UNC50: variants seen among roughly 807,000 people sequenced by gnomAD.
UNC50 encodes unc-50 inner nuclear membrane RNA binding protein.
UNC50 carries 24 observed loss-of-function variants against 31.5 expected under a neutral mutation model. The ratio of observed to expected loss-of-function variants is 0.76; its 90% CI spans 0.55 to 1.07. UNC50 has a LOEUF of 1.07. Ranked by LOEUF, UNC50 falls within the 50% of genes least tolerant of loss-of-function variation. The pLI is 0.00. For synonymous variants in UNC50, 118 were observed against 114.7 expected, an observed-to-expected ratio of 1.03 and a Z score of -0.18; for missense variants, 245 against 304.2, an observed-to-expected ratio of 0.81 and a Z score of 1.45.
rs1559149359 is a variant in UNC50 at position 98,616,541 on chromosome 2, ATTTT to A, written c.643+12_643+15del. 6.2e-7 allele frequency: 1 copy of A among 1,606,108 alleles called. No homozygotes were observed. Reference sequence around the variant, plus strand: ...CTTTCCTGGGATACAGTGGTAAGTAATTTTTTTAAATGTTTTTGGTTGAGAACAT... The same window carrying A: ...CTTTCCTGGGATACAGTGGTAAGTAATTTAAATGTTTTTGGTTGAGAACAT... On this transcript the variant is annotated intron_variant, in intron 5 of 5. Coordinates refer to ENST00000357765, the MANE Select transcript of UNC50 (RefSeq NM_014044.7).
At chr2:98,618,119 A>ATTAT (rs1700965351) in intron 5 of UNC50, 49 bp from the exon 6 acceptor site, 2 of 1,265,840 alleles carry the variant, frequency 1.6e-6, no homozygotes, top group Non-Finnish European at 2.1e-6. Flanking sequence ...TTTATTAGTC[A>ATTAT]TTTATTTTTT....
At chr2:98,616,589 G>C (rs2104187727) in intron 5 of UNC50, 56 bp downstream of exon 5, 1 of 1,388,828 alleles carries the variant, frequency 7.2e-7, no homozygotes, top group Non-Finnish European at 1.0e-6. Context: ...GGGGAAAGTT[G>C]TAACAGTAGT....
intron 5 of UNC50, 171 bp from the exon 6 acceptor site, chr2:98,617,997 G>A (rs1700961282): frequency 1.5e-6 from 1 of 674,876 alleles, no homozygotes; most frequent in Non-Finnish European, 2.3e-6. Flanking sequence ...CAGCACAGAG[G>A]GGTTGGGAAG....
intron 5 of UNC50, 30 bp from the exon 6 acceptor site, chr2:98,618,138 T>TTTTTA: frequency 6.8e-7 from 1 of 1,465,994 alleles, no homozygotes; most frequent in Non-Finnish European, 9.0e-7. Context: ...TTTTTTTTTT[T>TTTTTA]AAATCAGTTT....
chr2:98,616,584 A>C (rs748849429), intron 5 of UNC50, 51 bp downstream of exon 5: 2 of 1,453,914 alleles, frequency 1.4e-6, no homozygotes, highest in Non-Finnish European at 1.9e-6. Context: ...AAGAGGGGGA[A>C]AGTTGTAACA....
At chr2:98,612,767 T>C (rs1188679344) in intron 3 of UNC50, among the ~76,000 whole-genome samples, 2 of 152,234 alleles carry the variant, frequency 1.3e-5, no homozygotes, top group South Asian at 4.1e-4. Context: ...GATACTGCAG[T>C]AAAGCAAATA....
Position 98,618,253 on chromosome 2 carries a change from A to C in UNC50, c.729A>C (p.Gly243=). The change falls in exon 6 of 6, where the codon GGA becomes GGC. Residue 243 remains glycine (G), a synonymous_variant. Transcript: ENST00000357765. Reference sequence around the variant, plus strand: ...TCTACGGGCTTTCCCTGGCACTGGGATGGAACTTCACCCATACTCTCTGTT... The same window carrying C: ...TCTACGGGCTTTCCCTGGCACTGGGCTGGAACTTCACCCATACTCTCTGTT... ...ILLYGLSLAL[G]WNFTHTLCSF... 6.2e-7 allele frequency: 1 copy of C among 1,612,280 alleles called. No homozygotes were observed. The highest frequency in any genetic ancestry group is 1.1e-5 in the South Asian group (1 of 90,824).
rs773413563 is a variant in UNC50 at position 98,616,432 on chromosome 2, A to G, written c.542A>G (p.His181Arg). 88 of 1,614,012 alleles carry G rather than the reference A, an allele frequency of 5.5e-5. No homozygotes were observed. The highest frequency in any genetic ancestry group is 7.3e-5 in the Non-Finnish European group (86 of 1,179,900). ...TCATGGTCTGCGTCTCTTCTGGCAG[A>G]TGTTATCCTGACAGACACATTTATT... Reference protein sequence around the residue: ...LHFIQLFFINHVILTDTFIGY... With the variant: ...LHFIQLFFINRVILTDTFIGY... Residue 181 changes from histidine to arginine, a missense_variant and splice_region_variant, in exon 5 of 6, where the codon CAT becomes CGT. By Grantham distance (29) the His-to-Arg change is conservative. Transcript: ENST00000357765.
intron 2 of UNC50, 106 bp downstream of exon 2, chr2:98,610,145 C>T: frequency 8.2e-7 from 1 of 1,217,252 alleles, no homozygotes. Context: ...GAAACTATTT[C>T]TCCTTTTTAC....
rs536489805 is a variant in UNC50 at position 98,617,023 on chromosome 2, G to A, written c.643+490G>A. ...CCCATTCTTAGTTTTCATGATTACC[G>A]TATGGTTCTGTAGACAATCACAGAA... On this transcript the variant is annotated intron_variant, in intron 5 of 5. Transcript: ENST00000357765. Among the ~76,000 whole-genome samples the A allele has an allele frequency of 2.6e-4, 39 of 152,268 alleles. No individual in the cohort carries two copies. The South Asian group carries it at 6.6e-3, about 26-fold the overall frequency.
rs866993723 is a variant in UNC50 at position 98,610,715 on chromosome 2, G to C, written c.281-60G>C. The C allele has an allele frequency of 3.1e-5, 49 of 1,594,044 alleles. 1 individual carries two copies. The Middle Eastern group carries it at 5.2e-3, about 168-fold the overall frequency. On this transcript the variant is annotated intron_variant, in intron 2 of 5. Transcript: ENST00000357765. ...TGGGCATCTGGAGGGCAAGGGATGT[G>C]TCCTGTATTTCCAGAACCTAGCAGA...
rs1700980936 is a variant in UNC50 at position 98,618,492 on chromosome 2, A to G, written c.*188A>G. On this transcript the variant is annotated 3_prime_UTR_variant, in exon 6 of 6. Transcript: ENST00000357765. ...TAAAACTAATTAAATGTACATTTCT[A>G]TAATAAATATTTTTTAAACTAAAGC... 2.2e-6 allele frequency: 1 copy of G among 445,144 alleles called. No individual in the cohort carries two copies. Among genetic ancestry groups the G allele is most frequent in the East Asian group, 3.8e-5 (1 of 26,142 alleles). 27.6% of individuals were successfully genotyped at this position (445,144 alleles called of 1,614,324 possible).
At chr2:98,618,039 T>A in intron 5 of UNC50, 129 bp from the exon 6 acceptor site, 1 of 992,656 alleles carries the variant, frequency 1.0e-6, no homozygotes, top group Non-Finnish European at 1.4e-6. Flanking sequence ...AATAGCATCA[T>A]CTTACTGATT....
At chr2:98,611,956 C>T (rs1187228010) in intron 3 of UNC50, among the ~76,000 whole-genome samples, 1 of 145,400 alleles carries the variant, frequency 6.9e-6, no homozygotes, top group East Asian at 1.9e-4. Flanking sequence ...CTCTCATACA[C>T]ACACACCCTC....
rs572501535 is a variant in UNC50 at position 98,616,167 on chromosome 2, A to C, written c.402-40A>C. Reference sequence around the variant, plus strand: ...AAAGTCGTCAGTAAACATTTACAGAATTCATTTTATTATGAAAGAAATTTT... The same window carrying C: ...AAAGTCGTCAGTAAACATTTACAGACTTCATTTTATTATGAAAGAAATTTT... On this transcript the variant is annotated intron_variant, in intron 3 of 5. Transcript: ENST00000357765. 58 of 1,587,932 alleles carry C rather than the reference A, an allele frequency of 3.7e-5. 1 individual carries two copies. The East Asian group carries it at 1.1e-3, about 31-fold the overall frequency.
intron 1 of UNC50, chr2:98,609,545 C>A (rs764067276): frequency 1.5e-6 from 1 of 669,228 alleles, no homozygotes; most frequent in Non-Finnish European, 2.6e-6. Context: ...GAAGGGTGGG[C>A]TGTTGCCCTT....
chr2:98,618,003 G>C (rs1700961415), intron 5 of UNC50, 165 bp from the exon 6 acceptor site: 2 of 718,062 alleles, frequency 2.8e-6, no homozygotes, highest in Admixed American at 3.2e-5. Context: ...AGAGGGGTTG[G>C]GAAGAGTAGT....
intron 3 of UNC50, among the ~76,000 whole-genome samples, chr2:98,612,448 C>T (rs1380564721): frequency 6.6e-6 from 1 of 151,502 alleles, no homozygotes; most frequent in Non-Finnish European, 1.5e-5. Context: ...CCCACTCTGT[C>T]ACCCAGGCTG....
chr2:98,616,800 C>G lies in UNC50; in HGVS notation c.643+267C>G, dbSNP rs115644173. 3.8e-3 allele frequency among the ~76,000 whole-genome samples: 575 copies of G among 152,246 alleles called. 4 individuals are homozygous for G. Among genetic ancestry groups the G allele is most frequent in the African/African-American group, 0.013 (541 of 41,524 alleles). ...TGGTATATAACAGATTTTATACTTTCAAGGAAACATGTTAAACCATACTGG... is the reference window on the plus strand; with the variant it reads ...TGGTATATAACAGATTTTATACTTTGAAGGAAACATGTTAAACCATACTGG... On this transcript the variant is annotated intron_variant, in intron 5 of 5. Transcript: ENST00000357765.
Sources: gnomAD v4.1 joint callset for allele counts (sites outside exome capture counted in the v4.1 genomes callset) on GRCh38, gnomAD v4.1.1 for gene constraint, MANE v1.5 for transcripts, NCBI Gene and HGNC (gene_info 2026-07-23, HGNC 2026-07-21) for gene names.